Variants in DYNC1LI1 observed in about 807,000 individuals in gnomAD.
The protein encoded by DYNC1LI1 is cytoplasmic dynein 1 light intermediate chain 1.
DYNC1LI1 carries 19 observed loss-of-function variants against 63.8 expected under a neutral mutation model. The ratio of observed to expected loss-of-function variants is 0.30; its 90% CI spans 0.21 to 0.44. The LOEUF (loss-of-function observed/expected upper bound fraction) is 0.44, where lower values mean the gene tolerates loss of function less well. Among genes scored for constraint, DYNC1LI1 ranks in the 20% least tolerant of loss-of-function variants. The pLI is 1.00. For missense variants in DYNC1LI1, 565 were observed against 630.2 expected (o/e 0.90, Z 1.11); for synonymous variants, 225 against 232.3 (o/e 0.97, Z 0.28).
rs369421174 is a variant in DYNC1LI1 at position 32,532,487 on chromosome 3, G to GTGTGTGTGTGTATATATATATATA, written c.1080+498_1080+499insTATATATATATATACACACACACA. 2.6e-3 allele frequency: 324 copies of GTGTGTGTGTGTATATATATATATA among 125,290 alleles called. 3 individuals are homozygous for GTGTGTGTGTGTATATATATATATA. The highest frequency in any genetic ancestry group is 9.3e-3 in the African/African-American group (313 of 33,498). 7.8% of individuals were successfully genotyped at this position (125,290 alleles called of 1,614,324 possible). A position where few individuals can be genotyped will look rare whatever the true frequency, so the allele number is the denominator to read the frequency against. ...TCTCAAAAAAAAAAAAAAAATGTGT[G>GTGTGTGTGTGTATATATATATATA]TATATATATATATATATATAAAATT... On this transcript the variant is annotated intron_variant, in intron 8 of 12. Transcript: ENST00000273130.
At chr3:32,545,251 C>T in intron 3 of DYNC1LI1, 145 bp from the exon 4 acceptor site, 2 of 637,436 alleles carry the variant, frequency 3.1e-6, no homozygotes, top group Non-Finnish European at 5.5e-6. Context: ...GGCCATCTAC[C>T]AATTTATTTA....
chr3:32,533,090 C>T lies in DYNC1LI1; in HGVS notation c.976G>A (p.Gly326Arg). The change falls in exon 8 of 13, where the codon GGG becomes AGG. Residue 326 changes from glycine (G) to arginine (R), a missense_variant. Gly to Arg is a moderately radical substitution (Grantham distance 125). Transcript: ENST00000273130. The stretch of plus-strand genomic sequence containing the variant: ...CCTATTTTCTTATCATTATCCCACC[C>T]TGCTGGACTGGAAAGAAATACATAT... ...VEKDAVFIPA[G>R]WDNDKKIGIL... The T allele has an allele frequency of 6.3e-7, 1 of 1,594,492 alleles. No individual in the cohort carries two copies. The highest frequency in any genetic ancestry group is 8.5e-7 in the Non-Finnish European group (1 of 1,175,374).
rs749828937 is a variant in DYNC1LI1, at chr3:32,570,334, G to A, written c.220+12C>T. The A allele has an allele frequency of 2.5e-6, 4 of 1,591,100 alleles. No homozygotes were observed. Among genetic ancestry groups the A allele is most frequent in the Admixed American group, 1.7e-5 (1 of 57,482 alleles). ...GGGCCGGGCGGGGCGGGGCGAGGCA[G>A]GGAACACTTACCCAGCAGTAGCACG... On this transcript the variant is annotated intron_variant, in intron 2 of 12. Transcript: ENST00000273130.
At position 32,564,166 on chromosome 3, in the gene DYNC1LI1, C is replaced by T. The variant is rs900844367; in HGVS notation, c.220+6180G>A. On this transcript the variant is annotated intron_variant, in intron 2 of 12. Coordinates refer to ENST00000273130, the MANE Select transcript of DYNC1LI1 (RefSeq NM_016141.4). ...AATATAACAAATTTTTAAAATTAGC[C>T]ATCGTGGTGGGACTACAGTCCTGTA... is the stretch of plus-strand genomic sequence containing the variant. Among the ~76,000 whole-genome samples, 5 of 152,120 alleles carry T rather than the reference C, an allele frequency of 3.3e-5. No individual in the cohort carries two copies. The South Asian group carries it at 6.2e-4, about 19-fold the overall frequency.
In DYNC1LI1 at chr3:32,530,281, G is replaced by T; in HGVS notation, c.1185+3C>A. 6.3e-7 allele frequency: 1 copy of T among 1,598,884 alleles called. No homozygotes were observed. The highest frequency in any genetic ancestry group is 1.1e-5 in the South Asian group (1 of 88,226). ...TCATTTTGTCAAAATTTGTAATACT[G>T]ACCACAGGCCTTCCAGCTGCAGTTG... On this transcript the variant is annotated splice_donor_region_variant and intron_variant, in intron 10 of 12. Coordinates refer to ENST00000273130, the MANE Select transcript of DYNC1LI1 (RefSeq NM_016141.4).
At chr3:32,534,778 G>A (rs995540926) in intron 6 of DYNC1LI1, 132 bp from the exon 7 acceptor site, 12 of 605,882 alleles carry the variant, frequency 2.0e-5, no homozygotes, top group African/African-American at 7.6e-5. Flanking sequence ...ATATTATATG[G>A]TAATCAAGAA....
intron 5 of DYNC1LI1, among the ~76,000 whole-genome samples, chr3:32,539,925 C>A (rs913409393): frequency 6.6e-6 from 1 of 151,374 alleles, no homozygotes; most frequent in Non-Finnish European, 1.5e-5. Flanking sequence ...GGTGCAGTGG[C>A]GCAATCTCGG....
rs764354979 is a variant in DYNC1LI1 at position 32,570,795 on chromosome 3, C to T, written c.-25G>A. The T allele has an allele frequency of 1.3e-6, 2 of 1,591,810 alleles. No homozygotes were observed. Among genetic ancestry groups the T allele is most frequent in the Admixed American group, 3.4e-5 (2 of 58,302 alleles). On this transcript the variant is annotated 5_prime_UTR_variant, in exon 1 of 13. Transcript: ENST00000273130. ...TCTTGGTCGGGAATCACACCACTCCCGGCAAGACTAAATGTGCGAGGCGGC... is the reference window on the plus strand; with the variant it reads ...TCTTGGTCGGGAATCACACCACTCCTGGCAAGACTAAATGTGCGAGGCGGC...
chr3:32,560,670 T>C (rs895313699), intron 2 of DYNC1LI1, among the ~76,000 whole-genome samples: 3 of 151,868 alleles, frequency 2.0e-5, no homozygotes, highest in African/African-American at 7.3e-5. Context: ...CCTTAATCAT[T>C]TTCCTTACTC....
At chr3:32,559,233 T>C (rs1009524160) in intron 2 of DYNC1LI1, among the ~76,000 whole-genome samples, 10 of 151,860 alleles carry the variant, frequency 6.6e-5, no homozygotes, top group East Asian at 5.8e-4. Flanking sequence ...ATAAAACTCA[T>C]ATATATATAG....
chr3:32,539,474 C>T (rs1697847391), intron 5 of DYNC1LI1, among the ~76,000 whole-genome samples: 1 of 152,056 alleles, frequency 6.6e-6, no homozygotes, highest in African/African-American at 2.4e-5. Flanking sequence ...TATTCCATGA[C>T]TTACGAACAG....
intron 2 of DYNC1LI1, among the ~76,000 whole-genome samples, chr3:32,567,967 G>A (rs1698291912): frequency 1.3e-5 from 2 of 152,132 alleles, no homozygotes; most frequent in South Asian, 4.1e-4. Flanking sequence ...GCCTCCTAAA[G>A]TCTGGGATTA....
In DYNC1LI1 at chr3:32,561,410, T is replaced by C. The variant is rs530761157; in HGVS notation, c.220+8936A>G. ...TTGGGAGGCTGAGGTAGGCAGATCATGAGGTCAGGAGATCGAGACCATCCT... is the reference window on the plus strand; with the variant it reads ...TTGGGAGGCTGAGGTAGGCAGATCACGAGGTCAGGAGATCGAGACCATCCT... On this transcript the variant is annotated intron_variant, in intron 2 of 12. Transcript: ENST00000273130. Among the ~76,000 whole-genome samples, 43 of 151,370 alleles carry C rather than the reference T, an allele frequency of 2.8e-4. No homozygotes were observed. The South Asian group carries it at 9.0e-3, about 32-fold the overall frequency.
In DYNC1LI1 at chr3:32,570,328, G is replaced by C; in HGVS notation, c.220+18C>G. On this transcript the variant is annotated intron_variant, in intron 2 of 12. Transcript: ENST00000273130. ...CGCTGGGGGCCGGGCGGGGCGGGGC[G>C]AGGCAGGGAACACTTACCCAGCAGT... 6.3e-7 allele frequency: 1 copy of C among 1,580,636 alleles called. No homozygotes were observed. The highest frequency in any genetic ancestry group is 8.6e-7 in the Non-Finnish European group (1 of 1,161,610).
intron 2 of DYNC1LI1, among the ~76,000 whole-genome samples, chr3:32,547,120 G>A (rs1236253977): frequency 3.3e-5 from 5 of 152,038 alleles, no homozygotes; most frequent in African/African-American, 1.2e-4. Flanking sequence ...GCGCGCATCT[G>A]TAATCCCAGC....
chr3:32,557,430 G>A (rs1364942717), intron 2 of DYNC1LI1, among the ~76,000 whole-genome samples: 2 of 152,072 alleles, frequency 1.3e-5, no homozygotes, highest in African/African-American at 4.8e-5. Flanking sequence ...GCTGAGGCAG[G>A]AGAAACACTT....
intron 5 of DYNC1LI1, among the ~76,000 whole-genome samples, chr3:32,538,048 A>AATTATATATATAATATATATATATAAT: frequency 2.9e-5 from 1 of 34,788 alleles, no homozygotes; most frequent in South Asian, 6.4e-4. Context: ...TATATATATA[A>AATTATATATATAATATATATATATAAT]TTATATATAT....
intron 7 of DYNC1LI1, among the ~76,000 whole-genome samples, chr3:32,533,720 T>C (rs1374892402): frequency 6.6e-6 from 1 of 151,142 alleles, no homozygotes; most frequent in Non-Finnish European, 1.5e-5. Flanking sequence ...GTGTACCACA[T>C]CTGGCTGATT....
At position 32,546,057 on chromosome 3, in the gene DYNC1LI1, C is replaced by A. The variant is rs568059871; in HGVS notation, c.221-92G>T. ...TACCAAGTGAAAAACCCAACTGGAA[C>A]TAGCTTCAACCAAAAAGGCAATTTG... On this transcript the variant is annotated intron_variant, in intron 2 of 12. Coordinates refer to ENST00000273130, the MANE Select transcript of DYNC1LI1 (RefSeq NM_016141.4). 5.0e-6 allele frequency: 4 copies of A among 799,912 alleles called. No homozygotes were observed. In the South Asian group the frequency reaches 6.9e-5, roughly 14 times the overall value. The allele number at this position is 799,912 out of a possible 1,614,324, so 49.6% of individuals were successfully genotyped here.
Sources: gnomAD v4.1 joint callset for allele counts (sites outside exome capture counted in the v4.1 genomes callset) on GRCh38, gnomAD v4.1.1 for gene constraint, MANE v1.5 for transcripts, NCBI Gene and HGNC (gene_info 2026-07-23, HGNC 2026-07-21) for gene names.